The following BDH2 variants were observed in gnomAD, a reference collection of about 807,000 sequenced individuals.
The protein encoded by BDH2 is dehydrogenase/reductase SDR family member 6.
In BDH2, 24 loss-of-function variants were observed where a neutral mutation model predicts 33.2. The ratio of observed to expected loss-of-function variants is 0.72; its 90% CI spans 0.52 to 1.02. BDH2 has a LOEUF of 1.02. Ranked by LOEUF, BDH2 falls within the 50% of genes least tolerant of loss-of-function variation. BDH2 has a pLI of 0.00. For missense variants in BDH2, 249 were observed against 301.6 expected, an observed-to-expected ratio of 0.83 and a Z score of 1.29; for synonymous variants, 81 against 101.6, an observed-to-expected ratio of 0.80 and a Z score of 1.22.
chr4:103,084,711 C>T (rs1278831548), intron 7 of BDH2, among the ~76,000 whole-genome samples: 20 of 152,194 alleles, frequency 1.3e-4, no homozygotes, highest in Admixed American at 1.3e-3. Context: ...CAGAACATCT[C>T]AATCGCTGAA....
At position 103,082,129 on chromosome 4, in the gene BDH2, T is replaced by C; in HGVS notation, c.636A>G (p.Ala212=). ...AGAGCATGGCTATTTCTTCTGCAGT[T>C]GCGAATCTTCCCGTCTTTTGTCTCT... ...FLKRQKTGRF[A]TAEEIAMLCV... The change falls in exon 9 of 10, where the codon GCA becomes GCG. Residue 212 remains alanine (A), a synonymous_variant. Coordinates refer to ENST00000296424, the MANE Select transcript of BDH2 (RefSeq NM_020139.4). 1.2e-6 allele frequency: 2 copies of C among 1,614,224 alleles called. No individual in the cohort carries two copies. Among genetic ancestry groups the C allele is most frequent in the Non-Finnish European group, 1.7e-6 (2 of 1,180,044 alleles).
Position 103,086,499 on chromosome 4 carries a change from A to G in BDH2, c.399T>C (p.Ser133=), listed in dbSNP as rs144645516. 1.4e-3 allele frequency: 2,254 copies of G among 1,613,048 alleles called. 38 individuals carry two copies. The African/African-American group carries it at 0.028, about 20-fold the overall frequency. The part of the protein sequence containing the change: ...QKSGNIINMS[S]VASSVKGVVN... ...ACCCACCTTTGACGCTGGAAGCCAC[A>G]GAAGACATGTTGATAATATTGCCAG... Residue 133 remains serine, a synonymous_variant, in exon 6 of 10, where the codon TCT becomes TCC. Coordinates refer to ENST00000296424, the MANE Select transcript of BDH2 (RefSeq NM_020139.4).
chr4:103,094,335 A>G (rs990132906), intron 3 of BDH2, among the ~76,000 whole-genome samples: 6 of 152,198 alleles, frequency 3.9e-5, no homozygotes, highest in Non-Finnish European at 8.8e-5. Context: ...CAGTTATAAG[A>G]CTTAATATAC....
In BDH2 at chr4:103,079,121, C is replaced by T. The variant is rs1459648255; in HGVS notation, c.*581G>A. ...CAGAGTCATGTGTTGACATCCTAAC[C>T]TGCAATATGATACATTAGGAGGTGG... On this transcript the variant is annotated 3_prime_UTR_variant, in exon 10 of 10. Transcript: ENST00000296424. Among the ~76,000 whole-genome samples, 1 of 152,162 alleles carries T rather than the reference C, an allele frequency of 6.6e-6. No individual in the cohort carries two copies. Among genetic ancestry groups the T allele is most frequent in the Non-Finnish European group, 1.5e-5 (1 of 68,030 alleles).
rs370036485 is a variant in BDH2 at position 103,079,668 on chromosome 4, G to A, written c.*34C>T. ...ACCAGGTTCACTGTGGATAGGAAGG[G>A]CCTGCCTTCCTTCCCACCATGGAGA... is the stretch of plus-strand genomic sequence containing the variant. On this transcript the variant is annotated 3_prime_UTR_variant, in exon 10 of 10. Coordinates refer to ENST00000296424, the MANE Select transcript of BDH2 (RefSeq NM_020139.4). 12 of 1,597,030 alleles carry A rather than the reference G, an allele frequency of 7.5e-6. No individual in the cohort carries two copies. Among genetic ancestry groups the A allele is most frequent in the Admixed American group, 1.7e-5 (1 of 59,966 alleles).
intron 5 of BDH2, among the ~76,000 whole-genome samples, chr4:103,089,331 A>C (rs72665040): frequency 0.2 from 30,805 of 152,082 alleles, 3,395 homozygotes; most frequent in African/African-American, 0.3. Context: ...GCACATGGCC[A>C]ATTAGGGGCA....
At position 103,095,272 on chromosome 4, in the gene BDH2, T is replaced by TG. The variant is rs754192502; in HGVS notation, c.81_82insC (p.Arg28GlnfsTer12). The TG allele has an allele frequency of 6.2e-7, 1 of 1,613,412 alleles. No homozygotes were observed. The highest frequency in any genetic ancestry group is 8.5e-7 in the Non-Finnish European group (1 of 1,179,468). On this transcript the variant is annotated frameshift_variant, in exon 3 of 10. Coordinates refer to ENST00000296424, the MANE Select transcript of BDH2 (RefSeq NM_020139.4). ...GTGGCTATGACTTTGGCACCTTCTC[T>TG]TGCAAAAGCCTAGTAGACACAAAGT...
At chr4:103,093,652 TATATA>T (rs1281773836) in intron 3 of BDH2, among the ~76,000 whole-genome samples, 1 of 147,172 alleles carries the variant, frequency 6.8e-6, no homozygotes, top group Non-Finnish European at 1.5e-5. Flanking sequence ...ATACATATAA[TATATA>T]GTAATATAAT....
chr4:103,084,284 T>C (rs1747663917), intron 7 of BDH2, among the ~76,000 whole-genome samples: 1 of 152,176 alleles, frequency 6.6e-6, no homozygotes. Flanking sequence ...AGCAAGCCCA[T>C]GCCTTTAGAG....
rs1747752568 is a variant in BDH2, at chr4:103,085,829, CTT to C, written c.419-369_419-368del. On this transcript the variant is annotated intron_variant, in intron 6 of 9. Coordinates refer to ENST00000296424, the MANE Select transcript of BDH2 (RefSeq NM_020139.4). ...CCTAGGCACTTCTTTACATTCCTCT[CTT>C]GTGTATGTTGAATATGTGTATCCTT... 4 of 1,278,976 alleles carry C rather than the reference CTT, an allele frequency of 3.1e-6. No individual in the cohort carries two copies. The Admixed American group carries it at 7.6e-5, about 24-fold the overall frequency. The allele number at this position is 1,278,976 out of a possible 1,614,324, so 79.2% of individuals were successfully genotyped here.
At position 103,079,277 on chromosome 4, in the gene BDH2, C is replaced by T. The variant is rs1392997269; in HGVS notation, c.*425G>A. Among the ~76,000 whole-genome samples, 2 of 152,134 alleles carry T rather than the reference C, an allele frequency of 1.3e-5. No homozygotes were observed. The highest frequency in any genetic ancestry group is 4.8e-5 in the African/African-American group (2 of 41,424). On this transcript the variant is annotated 3_prime_UTR_variant, in exon 10 of 10. Transcript: ENST00000296424. The stretch of plus-strand genomic sequence containing the variant: ...ATGTGAGGATACAGCAAGAAGAGGA[C>T]CATCTGCAAACCAGGAAGTGGGCCC...
At chr4:103,099,753 T>C (rs1034308762) in intron 1 of BDH2, 30 bp downstream of exon 1, 1 of 152,202 alleles carries the variant, frequency 6.6e-6, no homozygotes, top group African/African-American at 2.4e-5. Context: ...CGTTCTAAAG[T>C]TTCATTTCAA....
rs1054725661 is a variant in BDH2, at chr4:103,078,367, T to A, written c.*1335A>T. On this transcript the variant is annotated 3_prime_UTR_variant, in exon 10 of 10. Transcript: ENST00000296424. ...TGTCCAAATTTTATGTCCTCTTTTCTGTTATCCTGGAGTTTGGTGAAGAAA... is the reference window on the plus strand; with the variant it reads ...TGTCCAAATTTTATGTCCTCTTTTCAGTTATCCTGGAGTTTGGTGAAGAAA... Among the ~76,000 whole-genome samples, 1 of 152,252 alleles carries A rather than the reference T, an allele frequency of 6.6e-6. No individual in the cohort carries two copies. Among genetic ancestry groups the A allele is most frequent in the Non-Finnish European group, 1.5e-5 (1 of 68,040 alleles).
chr4:103,093,562 T>TA (rs1748212315), intron 3 of BDH2, among the ~76,000 whole-genome samples: 1 of 148,110 alleles, frequency 6.8e-6, no homozygotes, highest in South Asian at 2.1e-4. Flanking sequence ...ATAATATATA[T>TA]TATAACATAT....
intron 5 of BDH2, among the ~76,000 whole-genome samples, chr4:103,086,786 A>G (rs1265984353): frequency 6.6e-6 from 1 of 152,238 alleles, no homozygotes; most frequent in Non-Finnish European, 1.5e-5. Flanking sequence ...CCACCTTCCC[A>G]TGGTACAAGA....
intron 9 of BDH2, among the ~76,000 whole-genome samples, chr4:103,081,326 C>T (rs919099187): frequency 6.6e-6 from 1 of 152,340 alleles, no homozygotes; most frequent in South Asian, 2.1e-4. Flanking sequence ...GAGACGGAGT[C>T]TCACTCTGTC....
chr4:103,079,744 T>C lies in BDH2; in HGVS notation c.696A>G (p.Val232=). ...VYLASDESAY[V]TGNPVIIDGG... is the part of the protein sequence containing the mutation. The stretch of plus-strand genomic sequence containing the variant: ...CATCAATGATGACAGGGTTACCAGT[T>C]ACATAAGCAGACTGCAGTGATAAAC... Residue 232 remains valine (V), a synonymous_variant, in exon 10 of 10, where the codon GTA becomes GTG. Transcript: ENST00000296424. 1.9e-6 allele frequency: 3 copies of C among 1,613,784 alleles called. No individual in the cohort carries two copies. The highest frequency in any genetic ancestry group is 1.7e-6 in the Non-Finnish European group (2 of 1,179,686).
chr4:103,078,421 TCTAA>T lies in BDH2; in HGVS notation c.*1277_*1280del, dbSNP rs1467122852. ...GTACTTAATTTAGAAAAGAAATCCC[TCTAA>T]CTGACAATATTGTTAGCTAACTATA... On this transcript the variant is annotated 3_prime_UTR_variant, in exon 10 of 10. Coordinates refer to ENST00000296424, the MANE Select transcript of BDH2 (RefSeq NM_020139.4). 6.6e-6 allele frequency among the ~76,000 whole-genome samples: 1 copy of T among 152,206 alleles called. No individual in the cohort carries two copies. Among genetic ancestry groups the T allele is most frequent in the African/African-American group, 2.4e-5 (1 of 41,462 alleles).
intron 9 of BDH2, among the ~76,000 whole-genome samples, chr4:103,081,464 T>C (rs1183192861): frequency 1.3e-5 from 2 of 152,044 alleles, no homozygotes; most frequent in Non-Finnish European, 2.9e-5. Flanking sequence ...CGCTCAGCTA[T>C]TTTCTGTTTT....
Sources: allele counts gnomAD v4.1 joint callset (sites outside exome capture counted in the v4.1 genomes callset), GRCh38; gene constraint gnomAD v4.1.1; transcripts MANE v1.5; gene names NCBI Gene and HGNC (gene_info 2026-07-23, HGNC 2026-07-21).